Variants in TNKS observed in about 807,000 individuals in gnomAD.
TNKS encodes tankyrase.
TNKS carries 72 observed loss-of-function variants against 135.8 expected under a neutral mutation model. That is an observed-to-expected ratio of 0.53 (90% CI 0.44 to 0.64). The LOEUF is 0.64. TNKS is among the 30% of genes least tolerant of loss of function. The probability of loss-of-function intolerance (pLI) is 0.00; values close to 1 mark genes in which losing one functional copy is unlikely to be tolerated. For synonymous variants in TNKS, 849 were observed against 649.3 expected (o/e 1.31, Z -4.68); for missense variants, 1,769 against 1,674.0 (o/e 1.06, Z -0.99).
At chr8:9,592,488 G>T (rs73535829) in intron 2 of TNKS, among the ~76,000 whole-genome samples, 159 of 152,210 alleles carry the variant, frequency 1.0e-3, no homozygotes, top group Middle Eastern at 3.4e-3. Context: ...TCTTCTTGGC[G>T]TCTAGAAGTA....
intron 5 of TNKS, among the ~76,000 whole-genome samples, chr8:9,691,902 A>G (rs1423556323): frequency 6.6e-6 from 1 of 152,208 alleles, no homozygotes; most frequent in Non-Finnish European, 1.5e-5. Context: ...TCAAAGTCAA[A>G]ATAATTTATT....
intron 18 of TNKS, among the ~76,000 whole-genome samples, chr8:9,750,173 A>G (rs1437429260): frequency 3.9e-5 from 6 of 152,304 alleles, no homozygotes; most frequent in African/African-American, 1.4e-4. Context: ...TTTTGAGGTA[A>G]TATATCTGTA....
intron 2 of TNKS, among the ~76,000 whole-genome samples, chr8:9,599,258 C>T (rs1798922828): frequency 6.6e-6 from 1 of 152,130 alleles, no homozygotes. Flanking sequence ...CTTCTGTTAG[C>T]ACTGTATATC....
intron 25 of TNKS, 148 bp downstream of exon 25, chr8:9,766,573 C>T (rs1476950475): frequency 6.3e-6 from 4 of 636,852 alleles, no homozygotes; most frequent in Non-Finnish European, 9.4e-6. Flanking sequence ...GCAACCTCCA[C>T]CTCCTGGGTT....
At chr8:9,731,122 T>G in intron 14 of TNKS, 87 bp downstream of exon 14, 1 of 1,368,874 alleles carries the variant, frequency 7.3e-7, no homozygotes, top group Middle Eastern at 2.7e-4. Context: ...ATTTTTTCTG[T>G]ATTAAAAAAG....
chr8:9,566,641 G>T (rs1200193862), intron 1 of TNKS: 2 of 118,246 alleles, frequency 1.7e-5, no homozygotes, highest in East Asian at 2.7e-4. Flanking sequence ...TCGCTCTGTC[G>T]CCCAGGCCGG....
At chr8:9,682,880 G>T (rs940737818) in intron 5 of TNKS, among the ~76,000 whole-genome samples, 1 of 151,710 alleles carries the variant, frequency 6.6e-6, no homozygotes, top group South Asian at 2.1e-4. Context: ...ATAATGTATA[G>T]AACATTTTTA....
chr8:9,661,074 A>C (rs867712628), intron 3 of TNKS, among the ~76,000 whole-genome samples: 102 of 152,034 alleles, frequency 6.7e-4, no homozygotes, highest in Middle Eastern at 3.4e-3. Context: ...CTGCTCAATG[A>C]AATAAAAGAG....
At chr8:9,687,396 T>C (rs1253855320) in intron 5 of TNKS, among the ~76,000 whole-genome samples, 1 of 152,192 alleles carries the variant, frequency 6.6e-6, no homozygotes, top group Non-Finnish European at 1.5e-5. Flanking sequence ...TAGAGCAAGT[T>C]TTCTTGCCTC....
At chr8:9,631,740 C>G (rs1447705064) in intron 3 of TNKS, among the ~76,000 whole-genome samples, 1 of 150,014 alleles carries the variant, frequency 6.7e-6, no homozygotes, top group Admixed American at 6.7e-5. Flanking sequence ...AACGCTGCAA[C>G]AAAATCTGAC....
intron 3 of TNKS, among the ~76,000 whole-genome samples, chr8:9,633,553 C>T (rs1232062871): frequency 1.3e-5 from 2 of 152,178 alleles, no homozygotes; most frequent in Non-Finnish European, 2.9e-5. Context: ...CTAGTATTCA[C>T]GTTTGTATAG....
At chr8:9,661,170 C>A (rs202050149) in intron 3 of TNKS, among the ~76,000 whole-genome samples, 13 of 151,820 alleles carry the variant, frequency 8.6e-5, no homozygotes, top group East Asian at 3.9e-4. Flanking sequence ...AAGGTAATTT[C>A]TAGATTCAAT....
chr8:9,744,984 A>G (rs1244341602), intron 17 of TNKS, among the ~76,000 whole-genome samples: 1 of 152,202 alleles, frequency 6.6e-6, no homozygotes, highest in Admixed American at 6.5e-5. Context: ...ACTTTTTGTA[A>G]TTTTGGAAGC....
chr8:9,587,647 C>T (rs973211833), intron 2 of TNKS, among the ~76,000 whole-genome samples: 3 of 152,084 alleles, frequency 2.0e-5, no homozygotes, highest in Non-Finnish European at 4.4e-5. Context: ...TGTGATCCGC[C>T]CGCCTCGGCC....
chr8:9,663,270 T>C (rs1801819375), intron 3 of TNKS, among the ~76,000 whole-genome samples: 1 of 152,230 alleles, frequency 6.6e-6, no homozygotes, highest in African/African-American at 2.4e-5. Flanking sequence ...ACAATAACAA[T>C]AGGAAACTAA....
chr8:9,576,404 G>T lies in TNKS; in HGVS notation c.674-3755G>T, dbSNP rs147156282. ...TTACAATCATGGCAGAAGGCAAAGG[G>T]GAAGCAATCATGGTGGGGCAGGAGA... On this transcript the variant is annotated intron_variant, in intron 1 of 26. Transcript: ENST00000310430. Among the ~76,000 whole-genome samples, 692 of 152,072 alleles carry T rather than the reference G, an allele frequency of 4.6e-3. 3 individuals carry two copies. Among genetic ancestry groups the T allele is most frequent in the African/African-American group, 0.016 (662 of 41,462 alleles).
intron 17 of TNKS, among the ~76,000 whole-genome samples, chr8:9,742,638 G>A (rs980740359): frequency 1.3e-5 from 2 of 150,896 alleles, no homozygotes; most frequent in African/African-American, 2.4e-5. Flanking sequence ...CAGCAACATG[G>A]TTTAAGGCCA....
rs576646443 is a variant in TNKS, at chr8:9,557,003, G to A, written c.673+391G>A. The A allele has an allele frequency of 1.5e-4, 49 of 323,792 alleles. 1 individual carries two copies. In the South Asian group the frequency reaches 3.7e-3, roughly 25 times the overall value. The allele number at this position is 323,792 out of a possible 1,614,324, so 20.1% of individuals were successfully genotyped here. A position where few individuals can be genotyped will look rare whatever the true frequency, so the allele number is the denominator to read the frequency against. The stretch of plus-strand genomic sequence containing the variant: ...TACAAGGGTATGTCCTTTGAGGACA[G>A]TCCAGACCAAAAGAGGTTTAATACA... On this transcript the variant is annotated intron_variant, in intron 1 of 26. Coordinates refer to ENST00000310430, the MANE Select transcript of TNKS (RefSeq NM_003747.3).
chr8:9,567,490 A>G (rs912640881), intron 1 of TNKS, among the ~76,000 whole-genome samples: 31 of 152,168 alleles, frequency 2.0e-4, no homozygotes, highest in African/African-American at 7.5e-4. Context: ...ATCTTGGCTC[A>G]CTGCAAGCTC....
Sources: gnomAD v4.1 joint callset for allele counts (sites outside exome capture counted in the v4.1 genomes callset) on GRCh38, gnomAD v4.1.1 for gene constraint, MANE v1.5 for transcripts, NCBI Gene and HGNC (gene_info 2026-07-23, HGNC 2026-07-21) for gene names.